The following ENPEP variants were observed in gnomAD, a reference collection of about 807,000 sequenced individuals.
The protein encoded by ENPEP is AP-A.
In ENPEP, 103 loss-of-function variants were observed where a neutral mutation model predicts 114.5. That is an observed-to-expected ratio of 0.90 (90% confidence interval 0.77 to 1.06). The LOEUF (loss-of-function observed/expected upper bound fraction) is 1.06. ENPEP is among the 50% of genes least tolerant of loss of function. ENPEP has a pLI of 0.00. For missense variants in ENPEP, 1,196 were observed against 1,161.3 expected, an observed-to-expected ratio of 1.03 and a Z score of -0.43; for synonymous variants, 420 against 422.0, an observed-to-expected ratio of 1.00 and a Z score of 0.06.
Position 110,477,020 on chromosome 4 carries a change from A to C in ENPEP, c.606A>C (p.Gly202=), listed in dbSNP as rs530621822. The C allele has an allele frequency of 6.2e-7, 1 of 1,614,124 alleles. No homozygotes were observed. Among genetic ancestry groups the C allele is most frequent in the African/African-American group, 1.3e-5 (1 of 75,032 alleles). Residue 202 remains glycine (G), a synonymous_variant, in exon 1 of 20, where the codon GGA becomes GGC. Coordinates refer to ENST00000265162, the MANE Select transcript of ENPEP (RefSeq NM_001977.4). The part of the protein sequence containing the change: ...FAGWLNGSLV[G]FYRTTYTENG... The stretch of plus-strand genomic sequence containing the variant: ...GCTGGCTGAACGGCTCCCTCGTGGG[A>C]TTTTATAGAACCACCTACACGGAGA...
chr4:110,524,015 C>A (rs139380217), intron 10 of ENPEP, among the ~76,000 whole-genome samples: 175 of 152,026 alleles, frequency 1.2e-3, no homozygotes, highest in African/African-American at 4.1e-3. Context: ...CAAGAAATGG[C>A]AGTATGAGTA....
intron 11 of ENPEP, among the ~76,000 whole-genome samples, chr4:110,532,818 C>T (rs1726458392): frequency 6.6e-6 from 1 of 152,016 alleles, no homozygotes; most frequent in South Asian, 2.1e-4. Flanking sequence ...TAAATTTTTG[C>T]AGAATTCCCA....
chr4:110,497,031 A>G (rs370559002), intron 3 of ENPEP, among the ~76,000 whole-genome samples: 1 of 152,268 alleles, frequency 6.6e-6, no homozygotes, highest in African/African-American at 2.4e-5. Context: ...GATATACATT[A>G]TGACCACCAC....
chr4:110,480,291 T>C (rs925969761), intron 1 of ENPEP, among the ~76,000 whole-genome samples: 2 of 152,228 alleles, frequency 1.3e-5, no homozygotes, highest in African/African-American at 2.4e-5. Flanking sequence ...TTGTCTGAAA[T>C]ATTTCAAGCA....
intron 3 of ENPEP, among the ~76,000 whole-genome samples, chr4:110,504,376 C>CCAAGGGAAG (rs1427173228): frequency 1.3e-5 from 2 of 152,104 alleles, no homozygotes; most frequent in African/African-American, 4.8e-5. Context: ...CATACCTAGT[C>CCAAGGGAAG]CAAGGGCAGC....
chr4:110,476,162 C>T lies in ENPEP; in HGVS notation c.-253C>T. ...AGCTGTGACAATCTTCTTGCCAGCC[C>T]TCTTCCTCCCACTCGGCTCCTCTTA... On this transcript the variant is annotated 5_prime_UTR_variant, in exon 1 of 20. Coordinates refer to ENST00000265162, the MANE Select transcript of ENPEP (RefSeq NM_001977.4). 4.7e-6 allele frequency: 2 copies of T among 422,766 alleles called. No individual in the cohort carries two copies. The highest frequency in any genetic ancestry group is 5.8e-5 in the South Asian group (1 of 17,224). 26.2% of individuals were successfully genotyped at this position (422,766 alleles called of 1,614,324 possible).
chr4:110,553,378 A>G lies in ENPEP; in HGVS notation c.2565A>G (p.Arg855=), dbSNP rs1727360771. ...IKTQDVFTVI[R]YISYNSYGKN... ...CTCAGGATGTGTTTACAGTCATTCG[A>G]TATATCTCATATAACAGCTATGGGA... Residue 855 remains arginine, a synonymous_variant, in exon 18 of 20, where the codon CGA becomes CGG. Transcript: ENST00000265162. The G allele has an allele frequency of 3.1e-6, 5 of 1,611,562 alleles. No homozygotes were observed. Among genetic ancestry groups the G allele is most frequent in the East Asian group, 4.5e-5 (2 of 44,828 alleles).
intron 13 of ENPEP, among the ~76,000 whole-genome samples, chr4:110,543,283 A>G (rs563924297): frequency 2.8e-4 from 43 of 152,212 alleles, no homozygotes; most frequent in African/African-American, 1.0e-3. Flanking sequence ...AGGTATACAC[A>G]AAAACAAACC....
chr4:110,491,230 G>A lies in ENPEP; in HGVS notation c.918+66G>A, dbSNP rs530744770. On this transcript the variant is annotated intron_variant, in intron 3 of 19. Coordinates refer to ENST00000265162, the MANE Select transcript of ENPEP (RefSeq NM_001977.4). ...TTGTAATTAATTATCTACCTTTTTT[G>A]GGTAGTTTTTTTTTTTTTTTTTCAA... 2,056 of 1,400,738 alleles carry A rather than the reference G, an allele frequency of 1.5e-3. 28 individuals carry two copies. The African/African-American group carries it at 0.031, about 21-fold the overall frequency. The allele number at this position is 1,400,738 out of a possible 1,614,324, so 86.8% of individuals were successfully genotyped here. A position where few individuals can be genotyped will look rare whatever the true frequency, so the allele number is the denominator to read the frequency against.
chr4:110,496,963 C>T (rs574990379), intron 3 of ENPEP, among the ~76,000 whole-genome samples: 1 of 152,260 alleles, frequency 6.6e-6, no homozygotes, highest in South Asian at 2.1e-4. Context: ...CAGTCCACAC[C>T]CAAGGGGAAG....
intron 6 of ENPEP, 83 bp downstream of exon 6, chr4:110,510,441 C>A: frequency 6.9e-6 from 8 of 1,156,946 alleles, no homozygotes; most frequent in Non-Finnish European, 7.7e-6. Context: ...ATAATGGTCC[C>A]GAGTCAGATG....
intron 18 of ENPEP, among the ~76,000 whole-genome samples, chr4:110,557,969 T>C (rs1201927180): frequency 6.6e-6 from 1 of 151,938 alleles, no homozygotes; most frequent in Non-Finnish European, 1.5e-5. Flanking sequence ...TTGCTCTTTA[T>C]CATATATATT....
intron 3 of ENPEP, among the ~76,000 whole-genome samples, chr4:110,497,181 T>C (rs1269227705): frequency 6.6e-6 from 1 of 152,248 alleles, no homozygotes; most frequent in Non-Finnish European, 1.5e-5. Flanking sequence ...AAAGGTGATT[T>C]TTCTGTTTTC....
chr4:110,548,345 T>C lies in ENPEP; in HGVS notation c.2151+19T>C. 1 of 1,519,284 alleles carries C rather than the reference T, an allele frequency of 6.6e-7. No individual in the cohort carries two copies. The highest frequency in any genetic ancestry group is 8.8e-7 in the Non-Finnish European group (1 of 1,134,556). 94.1% of individuals were successfully genotyped at this position (1,519,284 alleles called of 1,614,324 possible). A position where few individuals can be genotyped will look rare whatever the true frequency, so the allele number is the denominator to read the frequency against. The stretch of plus-strand genomic sequence containing the variant: ...GATTGAGGTGACGTTAATGCTATGG[T>C]ATCTTATGAAAGTAAATGTTTAGCC... On this transcript the variant is annotated intron_variant, in intron 14 of 19. Coordinates refer to ENST00000265162, the MANE Select transcript of ENPEP (RefSeq NM_001977.4).
At position 110,520,072 on chromosome 4, in the gene ENPEP, A is replaced by G; in HGVS notation, c.1574A>G (p.Glu525Gly). The part of the protein sequence containing the change: ...KTSDFWAALE[E>G]ASRLPVKEVM... ...TCTGATTTTTGGGCAGCACTGGAAG[A>G]GGTAAGGAAGAGTATATGTCCCCAA... Residue 525 changes from glutamate to glycine, a missense_variant and splice_region_variant, in exon 9 of 20, where the codon GAG becomes GGG. Glu to Gly is a moderately conservative substitution (Grantham distance 98). Transcript: ENST00000265162. 6.2e-7 allele frequency: 1 copy of G among 1,613,856 alleles called. No homozygotes were observed. Among genetic ancestry groups the G allele is most frequent in the South Asian group, 1.1e-5 (1 of 91,022 alleles).
intron 1 of ENPEP, among the ~76,000 whole-genome samples, chr4:110,482,781 G>T (rs184670983): frequency 7.4e-4 from 112 of 152,286 alleles, no homozygotes; most frequent in Non-Finnish European, 1.2e-3. Flanking sequence ...GGCTGAGGTG[G>T]GCGGATCACC....
At chr4:110,525,132 C>T (rs911728984) in intron 10 of ENPEP, among the ~76,000 whole-genome samples, 1 of 152,234 alleles carries the variant, frequency 6.6e-6, no homozygotes, top group Non-Finnish European at 1.5e-5. Context: ...AAACTTATCA[C>T]ACCTGCATGA....
chr4:110,509,813 G>A lies in ENPEP; in HGVS notation c.1194+6G>A, dbSNP rs775161350. On this transcript the variant is annotated splice_donor_region_variant and intron_variant, in intron 5 of 19. Transcript: ENST00000265162. Reference sequence around the variant, plus strand: ...CCCATGAACTTGTGCATCAGGTACAGAATCTTAGCACTGAATCAGCTTGTT... The same window carrying A: ...CCCATGAACTTGTGCATCAGGTACAAAATCTTAGCACTGAATCAGCTTGTT... The A allele has an allele frequency of 6.8e-6, 11 of 1,611,600 alleles. No individual in the cohort carries two copies. The highest frequency in any genetic ancestry group is 1.7e-5 in the Admixed American group (1 of 59,278).
At chr4:110,559,543 G>A in intron 18 of ENPEP, 104 bp from the exon 19 acceptor site, 1 of 817,540 alleles carries the variant, frequency 1.2e-6, no homozygotes, top group Middle Eastern at 2.3e-4. Context: ...TACTTTGAAA[G>A]TTACTTTTAA....
Sources: allele counts gnomAD v4.1 joint callset (sites outside exome capture counted in the v4.1 genomes callset), GRCh38; gene constraint gnomAD v4.1.1; transcripts MANE v1.5; gene names NCBI Gene and HGNC (gene_info 2026-07-23, HGNC 2026-07-21).